Variants in MAP4K3 observed in about 807,000 individuals in gnomAD.
MAP4K3 encodes mitogen-activated protein kinase kinase kinase kinase 3, also known as MAPK/ERK kinase kinase kinase 3.
In MAP4K3, 94 loss-of-function variants were observed where a neutral mutation model predicts 143.5. That is an observed-to-expected ratio of 0.65 (90% CI 0.55 to 0.78). The LOEUF is 0.78. Ranked by LOEUF, MAP4K3 falls within the 30% of genes least tolerant of loss-of-function variation. The pLI is 0.00. For missense variants in MAP4K3, 1,077 were observed against 1,068.1 expected, an observed-to-expected ratio of 1.01 and a Z score of -0.12; for synonymous variants, 416 against 347.2, an observed-to-expected ratio of 1.20 and a Z score of -2.20.
At chr2:39,323,088 G>A (rs111428495) in intron 12 of MAP4K3, among the ~76,000 whole-genome samples, 4,940 of 152,170 alleles carry the variant, frequency 0.032, 95 homozygotes, top group Non-Finnish European at 0.043. Context: ...CAAATCATTT[G>A]CAAATAAAAA....
At chr2:39,293,205 C>T in intron 17 of MAP4K3, 25 bp downstream of exon 17, 1 of 1,493,424 alleles carries the variant, frequency 6.7e-7, no homozygotes, top group Non-Finnish European at 9.1e-7. Context: ...ACATAAAGTA[C>T]TTTAAGATTA....
intron 1 of MAP4K3, among the ~76,000 whole-genome samples, chr2:39,387,844 A>T (rs773543563): frequency 6.6e-6 from 1 of 152,152 alleles, no homozygotes; most frequent in African/African-American, 2.4e-5. Flanking sequence ...TCTTAAAACC[A>T]GATAATTAAA....
At chr2:39,336,888 G>C (rs767199861) in intron 6 of MAP4K3, 32 bp downstream of exon 6, 7 of 934,042 alleles carry the variant, frequency 7.5e-6, no homozygotes, top group Non-Finnish European at 6.2e-6. Context: ...AAAATGAAGA[G>C]AGGGTTATTA....
At chr2:39,406,767 C>T (rs934978028) in intron 1 of MAP4K3, among the ~76,000 whole-genome samples, 5 of 152,100 alleles carry the variant, frequency 3.3e-5, no homozygotes, top group Non-Finnish European at 7.4e-5. Flanking sequence ...TGCTAATCAG[C>T]AACAAGAAAT....
At chr2:39,324,402 T>C (rs1216299820) in intron 12 of MAP4K3, among the ~76,000 whole-genome samples, 1 of 151,224 alleles carries the variant, frequency 6.6e-6, no homozygotes, top group African/African-American at 2.4e-5. Context: ...GTAAGACTCA[T>C]CTCAAAAAAA....
chr2:39,271,998 T>C, intron 26 of MAP4K3: 1 of 250,258 alleles, frequency 4.0e-6, no homozygotes, highest in Admixed American at 5.0e-5. Context: ...AGGCACTAAA[T>C]GCAATGTAAA....
At position 39,250,721 on chromosome 2, in the gene MAP4K3, A is replaced by C. The variant is rs1322831225; in HGVS notation, c.2598-16T>G. The C allele has an allele frequency of 1.7e-5, 27 of 1,603,076 alleles. No individual in the cohort carries two copies. Among genetic ancestry groups the C allele is most frequent in the Non-Finnish European group, 2.3e-5 (27 of 1,172,350 alleles). On this transcript the variant is annotated splice_polypyrimidine_tract_variant and intron_variant, in intron 33 of 33. Transcript: ENST00000263881. ...AACCACGACCCTGAAAGTAATAAAA[A>C]ACATATAACAAAACAAAGTTATTCC...
chr2:39,295,687 T>C (rs1373144472), intron 16 of MAP4K3, among the ~76,000 whole-genome samples: 1 of 151,692 alleles, frequency 6.6e-6, no homozygotes, highest in African/African-American at 2.4e-5. Flanking sequence ...CCATATTTAA[T>C]TGGATTTATA....
intron 7 of MAP4K3, 69 bp from the exon 8 acceptor site, chr2:39,332,058 G>A: frequency 1.2e-6 from 1 of 830,938 alleles, no homozygotes; most frequent in Non-Finnish European, 1.9e-6. Context: ...AACATAAAAA[G>A]AAACTTTTAA....
At chr2:39,436,180 T>C (rs1028559140) in intron 1 of MAP4K3, among the ~76,000 whole-genome samples, 1 of 152,164 alleles carries the variant, frequency 6.6e-6, no homozygotes, top group East Asian at 1.9e-4. Flanking sequence ...ACAACAGGAA[T>C]GCTGTACCGC....
chr2:39,293,206 T>C (rs1424452687), intron 17 of MAP4K3, 24 bp downstream of exon 17: 2 of 1,498,536 alleles, frequency 1.3e-6, no homozygotes, highest in South Asian at 1.2e-5. Flanking sequence ...CATAAAGTAC[T>C]TTAAGATTAA....
intron 1 of MAP4K3, among the ~76,000 whole-genome samples, chr2:39,390,545 G>A (rs1024057994): frequency 2.0e-5 from 3 of 152,088 alleles, no homozygotes; most frequent in Non-Finnish European, 4.4e-5. Context: ...TCTAATAAGC[G>A]TGAAATGGCA....
At chr2:39,360,826 C>A (rs1665749212) in intron 2 of MAP4K3, among the ~76,000 whole-genome samples, 1 of 152,156 alleles carries the variant, frequency 6.6e-6, no homozygotes, top group African/African-American at 2.4e-5. Context: ...CAGGGGGTAA[C>A]TGCCCCCCAT....
At chr2:39,343,059 T>C (rs1157057938) in intron 4 of MAP4K3, among the ~76,000 whole-genome samples, 1 of 152,196 alleles carries the variant, frequency 6.6e-6, no homozygotes, top group Non-Finnish European at 1.5e-5. Flanking sequence ...GTATTATCAC[T>C]ACTCATGTAT....
chr2:39,417,464 C>A (rs1667416658), intron 1 of MAP4K3, among the ~76,000 whole-genome samples: 1 of 152,052 alleles, frequency 6.6e-6, no homozygotes, highest in East Asian at 1.9e-4. Flanking sequence ...TGTGATCCAC[C>A]CCCTCCGTCT....
chr2:39,324,977 T>C (rs995400314), intron 12 of MAP4K3, among the ~76,000 whole-genome samples: 2 of 152,180 alleles, frequency 1.3e-5, no homozygotes, highest in Admixed American at 1.3e-4. Context: ...TGAAGTATTA[T>C]ATAAGAATTT....
rs976397231 is a variant in MAP4K3, at chr2:39,312,840, G to A, written c.997+2470C>T. Among the ~76,000 whole-genome samples the A allele has an allele frequency of 3.3e-5, 5 of 152,090 alleles. No homozygotes were observed. The East Asian group carries it at 5.8e-4, about 18-fold the overall frequency. ...TACTTGTCTTCAAATTCCAAAATGCGGTCTGTAATAAAATTACATGAGGAC... is the reference window on the plus strand; with the variant it reads ...TACTTGTCTTCAAATTCCAAAATGCAGTCTGTAATAAAATTACATGAGGAC... On this transcript the variant is annotated intron_variant, in intron 13 of 33. Transcript: ENST00000263881.
intron 2 of MAP4K3, among the ~76,000 whole-genome samples, chr2:39,372,510 C>G (rs1263881690): frequency 6.8e-6 from 1 of 148,096 alleles, no homozygotes; most frequent in Admixed American, 6.7e-5. Flanking sequence ...AAAAAAGAAA[C>G]TGTAGGAATC....
In MAP4K3 at chr2:39,258,573, T is replaced by C. The variant is rs1276491877; in HGVS notation, c.2323A>G (p.Asn775Asp). The C allele has an allele frequency of 6.2e-7, 1 of 1,613,358 alleles. No homozygotes were observed. The change falls in exon 30 of 34, where the codon AAT becomes GAT. Residue 775 changes from asparagine to aspartate, a missense_variant. This residue lies in a region of MAP4K3 where 864 missense variants were observed against 801.2 expected (regional missense o/e 1.08). Transcript: ENST00000263881. ...TCCAGTTGGGTTACATGAGTAACAT[T>C]TGTCTGTGGGGTATCTACAATACAA... ...WFTESDTPQT[N>D]VTHVTQLERD...
Sources: gnomAD v4.1 joint callset for allele counts (sites outside exome capture counted in the v4.1 genomes callset) on GRCh38, gnomAD v4.1.1 for gene constraint, gnomAD v4.1.1 regional missense constraint, MANE v1.5 for transcripts, NCBI Gene and HGNC (gene_info 2026-07-23, HGNC 2026-07-21) for gene names.